Variants in SERPINE2 observed in about 807,000 individuals in gnomAD.
SERPINE2 encodes the protein glia-derived nexin.
SERPINE2 carries 14 observed loss-of-function variants against 36.3 expected under a neutral mutation model. The observed-to-expected ratio is 0.39, with a 90% confidence interval of 0.25 to 0.60. The LOEUF (loss-of-function observed/expected upper bound fraction) is 0.60, where lower values mean the gene tolerates loss of function less well. Among genes scored for constraint, SERPINE2 ranks in the 20% least tolerant of loss-of-function variants. The pLI, the probability that SERPINE2 is intolerant of heterozygous loss-of-function variation, is 0.57. For synonymous variants in SERPINE2, 192 were observed against 191.8 expected, an observed-to-expected ratio of 1.00 and a Z score of -0.01; for missense variants, 418 against 499.6, an observed-to-expected ratio of 0.84 and a Z score of 1.56.
intron 1 of SERPINE2, among the ~76,000 whole-genome samples, chr2:224,015,913 C>G (rs1691784866): frequency 6.6e-6 from 1 of 152,060 alleles, no homozygotes; most frequent in Non-Finnish European, 1.5e-5. Flanking sequence ...ATCTAGACTA[C>G]ACAGAAAACT....
intron 1 of SERPINE2, among the ~76,000 whole-genome samples, chr2:224,011,078 A>G (rs746484382): frequency 3.9e-5 from 6 of 152,286 alleles, no homozygotes; most frequent in Non-Finnish European, 8.8e-5. Context: ...AAAACCTTTA[A>G]TAGTGCTGAG....
chr2:223,996,375 C>T (rs1240324819), intron 3 of SERPINE2, among the ~76,000 whole-genome samples: 1 of 152,160 alleles, frequency 6.6e-6, no homozygotes, highest in African/African-American at 2.4e-5. Context: ...TGTGTGCTGA[C>T]CTCCCGATGG....
At chr2:224,026,779 T>C (rs1478412892) in intron 1 of SERPINE2, among the ~76,000 whole-genome samples, 2 of 152,180 alleles carry the variant, frequency 1.3e-5, no homozygotes, top group South Asian at 2.1e-4. Context: ...CACAGGCTTG[T>C]GTATTCCCGT....
At chr2:224,027,741 T>C (rs1692232139) in intron 1 of SERPINE2, among the ~76,000 whole-genome samples, 1 of 152,172 alleles carries the variant, frequency 6.6e-6, no homozygotes, top group Non-Finnish European at 1.5e-5. Flanking sequence ...TTATTAAATA[T>C]CATGGATGTG....
intron 1 of SERPINE2, among the ~76,000 whole-genome samples, chr2:224,032,608 C>T (rs939444632): frequency 1.3e-5 from 2 of 152,186 alleles, no homozygotes; most frequent in Admixed American, 6.5e-5. Flanking sequence ...AAAGTCTCCT[C>T]ATATTATTCT....
intron 5 of SERPINE2, among the ~76,000 whole-genome samples, chr2:223,983,263 C>CT (rs960064236): frequency 3.3e-5 from 5 of 151,986 alleles, no homozygotes; most frequent in South Asian, 2.1e-4. Context: ...TTTTGGGATT[C>CT]TTTTTTTTGA....
At chr2:224,013,916 A>G (rs1473538425) in intron 1 of SERPINE2, 1 of 152,326 alleles carries the variant, frequency 6.6e-6, no homozygotes, top group Non-Finnish European at 1.5e-5. Context: ...TCCAGCTGCC[A>G]AACTTCTCAA....
At chr2:224,008,901 C>T (rs957059598) in intron 1 of SERPINE2, among the ~76,000 whole-genome samples, 1 of 152,176 alleles carries the variant, frequency 6.6e-6, no homozygotes, top group African/African-American at 2.4e-5. Flanking sequence ...GCTCAAACAT[C>T]ACTGGAAAAT....
At chr2:224,032,913 CAG>C (rs1692425664) in intron 1 of SERPINE2, among the ~76,000 whole-genome samples, 1 of 152,188 alleles carries the variant, frequency 6.6e-6, no homozygotes, top group Non-Finnish European at 1.5e-5. Context: ...GGCTTACATC[CAG>C]ACCTAGAAAT....
At chr2:224,031,437 C>A in intron 1 of SERPINE2, 2 of 985,658 alleles carry the variant, frequency 2.0e-6, no homozygotes, top group Non-Finnish European at 2.4e-6. Context: ...GAACGCCAGG[C>A]AGCACGGTCC....
chr2:223,992,636 C>T (rs914869808), intron 3 of SERPINE2, among the ~76,000 whole-genome samples: 3 of 152,138 alleles, frequency 2.0e-5, no homozygotes, highest in African/African-American at 7.2e-5. Context: ...AGGCATCAAG[C>T]AAGGTGCTAA....
At chr2:223,991,737 A>T in intron 4 of SERPINE2, 66 bp downstream of exon 4, 1 of 1,503,364 alleles carries the variant, frequency 6.7e-7, no homozygotes, top group Non-Finnish European at 9.2e-7. Flanking sequence ...GAATTAAGTT[A>T]AAGCACTCAA....
chr2:224,012,471 C>T lies in SERPINE2; in HGVS notation c.-22-10549G>A, dbSNP rs556225203. On this transcript the variant is annotated intron_variant, in intron 1 of 8. Coordinates refer to ENST00000409304, the MANE Select transcript of SERPINE2 (RefSeq NM_001136528.2). ...GGCACAAATTAGCCAGGTGTGGTGG[C>T]GGGTGCTTGTAGTGCCAGCTACTTG... Among the ~76,000 whole-genome samples, 8 of 151,788 alleles carry T rather than the reference C, an allele frequency of 5.3e-5. No homozygotes were observed. The South Asian group carries it at 1.7e-3, about 32-fold the overall frequency.
intron 7 of SERPINE2, 71 bp downstream of exon 7, chr2:223,980,239 CA>C: frequency 7.8e-7 from 1 of 1,290,056 alleles, no homozygotes; most frequent in Non-Finnish European, 1.1e-6. Context: ...CATATTTGCT[CA>C]ACCAATGAGT....
intron 1 of SERPINE2, among the ~76,000 whole-genome samples, chr2:224,016,837 T>G (rs1011090427): frequency 1.3e-5 from 2 of 152,324 alleles, no homozygotes; most frequent in East Asian, 3.9e-4. Context: ...TGGTTGGATT[T>G]CAAAGAACTA....
chr2:224,034,352 G>A (rs983658979), intron 1 of SERPINE2, among the ~76,000 whole-genome samples: 2 of 152,160 alleles, frequency 1.3e-5, no homozygotes, highest in South Asian at 4.1e-4. Flanking sequence ...CACAGGAGGA[G>A]AAAGGGAATT....
intron 3 of SERPINE2, among the ~76,000 whole-genome samples, chr2:223,995,318 G>C (rs577145766): frequency 6.6e-6 from 1 of 152,356 alleles, no homozygotes; most frequent in East Asian, 1.9e-4. Flanking sequence ...TGAGCTCCAA[G>C]TCACTTCTGA....
Position 223,984,776 on chromosome 2 carries a change from T to C in SERPINE2, c.860A>G (p.Lys287Arg), listed in dbSNP as rs1350793049. The C allele has an allele frequency of 1.2e-6, 2 of 1,612,944 alleles. No homozygotes were observed. The highest frequency in any genetic ancestry group is 2.2e-5 in the East Asian group (1 of 44,900). The change falls in exon 5 of 9, where the codon AAG (lysine) becomes AGG (arginine). Residue 287 changes from lysine (K) to arginine (R), a missense_variant. Lys to Arg is a conservative substitution (Grantham distance 26). Transcript: ENST00000409304. ...CTTGGGCAGGATCACCTGCACCCTCTTGGGCACCATGATGCTCATCCAGCT... is the reference window on the plus strand; with the variant it reads ...CTTGGGCAGGATCACCTGCACCCTCCTGGGCACCATGATGCTCATCCAGCT... ...IDSWMSIMVPKRVQVILPKFT... is the reference protein window; with the variant it reads ...IDSWMSIMVPRRVQVILPKFT...
intron 1 of SERPINE2, among the ~76,000 whole-genome samples, chr2:224,015,655 C>G (rs1691776707): frequency 6.6e-6 from 1 of 152,226 alleles, no homozygotes; most frequent in South Asian, 2.1e-4. Flanking sequence ...CATTCACACT[C>G]CAGTGTCTAT....
Sources: allele counts gnomAD v4.1 joint callset (sites outside exome capture counted in the v4.1 genomes callset), GRCh38; gene constraint gnomAD v4.1.1; transcripts MANE v1.5; gene names NCBI Gene and HGNC (gene_info 2026-07-23, HGNC 2026-07-21).